Variants in ATG5 observed in about 807,000 individuals in gnomAD.
ATG5 encodes autophagy protein 5.
Under a neutral mutation model 36.5 loss-of-function variants are expected in ATG5, and 14 were observed. That is an observed-to-expected ratio of 0.38 (90% CI 0.25 to 0.60). ATG5 has a LOEUF of 0.60. ATG5 is among the 20% of genes least tolerant of loss of function. The probability of loss-of-function intolerance (pLI) is 0.60; values close to 1 mark genes in which losing one functional copy is unlikely to be tolerated. For missense variants in ATG5, 195 were observed against 326.7 expected, an observed-to-expected ratio of 0.60 and a Z score of 3.11; for synonymous variants, 95 against 101.5, an observed-to-expected ratio of 0.94 and a Z score of 0.38.
At chr6:106,313,581 T>C (rs1228821222) in intron 2 of ATG5, among the ~76,000 whole-genome samples, 1 of 152,216 alleles carries the variant, frequency 6.6e-6, no homozygotes, top group Non-Finnish European at 1.5e-5. Context: ...TGAAAAGTTA[T>C]CTAGTTTCTA....
intron 3 of ATG5, among the ~76,000 whole-genome samples, chr6:106,297,988 A>G (rs1222885440): frequency 6.8e-6 from 1 of 147,606 alleles, no homozygotes; most frequent in African/African-American, 2.5e-5. Flanking sequence ...TTTTTGAGAC[A>G]GAGTCTCGTT....
intron 6 of ATG5, among the ~76,000 whole-genome samples, chr6:106,233,846 T>C (rs574410901): frequency 7.2e-4 from 110 of 152,228 alleles, no homozygotes; most frequent in Admixed American, 1.4e-3. Context: ...TCCATGCTGC[T>C]GTACAACCAG....
At chr6:106,226,720 T>C (rs1777464742) in intron 6 of ATG5, among the ~76,000 whole-genome samples, 1 of 152,226 alleles carries the variant, frequency 6.6e-6, no homozygotes, top group Non-Finnish European at 1.5e-5. Flanking sequence ...GTGTGAGATT[T>C]ATCCATGTTG....
chr6:106,199,937 A>G (rs1734181781), intron 7 of ATG5, among the ~76,000 whole-genome samples: 1 of 152,204 alleles, frequency 6.6e-6, no homozygotes, highest in African/African-American at 2.4e-5. Flanking sequence ...GGAAGACTTT[A>G]TAAAATGTAT....
intron 6 of ATG5, among the ~76,000 whole-genome samples, chr6:106,242,647 C>T (rs897178683): frequency 1.3e-5 from 2 of 152,018 alleles, no homozygotes; most frequent in Non-Finnish European, 2.9e-5. Flanking sequence ...ACACCTCAAG[C>T]AACTTACATT....
intron 6 of ATG5, among the ~76,000 whole-genome samples, chr6:106,235,033 A>T (rs1281744855): frequency 6.6e-6 from 1 of 152,164 alleles, no homozygotes; most frequent in Admixed American, 6.5e-5. Flanking sequence ...TCAATCCTGA[A>T]TTGTCACAGA....
At chr6:106,275,048 C>T (rs1025569875) in intron 5 of ATG5, among the ~76,000 whole-genome samples, 1 of 152,170 alleles carries the variant, frequency 6.6e-6, no homozygotes. Flanking sequence ...TAGCCCCTAG[C>T]ATAATGTCAG....
chr6:106,256,547 T>C (rs1252472537), intron 5 of ATG5, among the ~76,000 whole-genome samples: 2 of 152,188 alleles, frequency 1.3e-5, no homozygotes, highest in Non-Finnish European at 1.5e-5. Context: ...TTCTGAGAAA[T>C]GCATCAGGCA....
chr6:106,212,439 G>A (rs566228623), intron 6 of ATG5, among the ~76,000 whole-genome samples: 32 of 152,282 alleles, frequency 2.1e-4, no homozygotes, highest in South Asian at 8.3e-4. Flanking sequence ...TCAGGAGTTC[G>A]AGATCAGCCT....
intron 4 of ATG5, among the ~76,000 whole-genome samples, chr6:106,280,820 T>A (rs6906688): frequency 0.055 from 8,370 of 152,184 alleles, 345 homozygotes; most frequent in Non-Finnish European, 0.076. Context: ...AGCTTGATAG[T>A]CATGGGGCTA....
chr6:106,267,017 G>A (rs1370105765), intron 5 of ATG5, among the ~76,000 whole-genome samples: 1 of 152,136 alleles, frequency 6.6e-6, no homozygotes, highest in Non-Finnish European at 1.5e-5. Context: ...TCAGGCAAGA[G>A]AAAAAATAAA....
At chr6:106,261,381 C>T (rs1779011682) in intron 5 of ATG5, among the ~76,000 whole-genome samples, 1 of 152,196 alleles carries the variant, frequency 6.6e-6, no homozygotes, top group African/African-American at 2.4e-5. Flanking sequence ...CCAGCTAAAT[C>T]CCTTTGTTTA....
intron 1 of ATG5, among the ~76,000 whole-genome samples, chr6:106,321,646 CCG>C (rs1466550466): frequency 6.6e-6 from 1 of 152,194 alleles, no homozygotes; most frequent in Non-Finnish European, 1.5e-5. Flanking sequence ...GCGTGAGCCA[CCG>C]CGCCTGGCCA....
At chr6:106,300,436 A>G (rs1384110876) in intron 3 of ATG5, among the ~76,000 whole-genome samples, 1 of 152,188 alleles carries the variant, frequency 6.6e-6, no homozygotes, top group Non-Finnish European at 1.5e-5. Context: ...TGAAATCACA[A>G]AGAGTATTAA....
At chr6:106,317,214 T>C (rs1393725253) in intron 1 of ATG5, among the ~76,000 whole-genome samples, 2 of 152,204 alleles carry the variant, frequency 1.3e-5, no homozygotes, top group African/African-American at 4.8e-5. Flanking sequence ...AATATACACT[T>C]AGAGTAACTC....
At chr6:106,224,339 C>T (rs542699748) in intron 6 of ATG5, among the ~76,000 whole-genome samples, 1 of 152,258 alleles carries the variant, frequency 6.6e-6, no homozygotes, top group Admixed American at 6.5e-5. Context: ...ATAAAGGACC[C>T]ATGAGCTAAA....
At chr6:106,213,993 C>G (rs1295543481) in intron 6 of ATG5, among the ~76,000 whole-genome samples, 1 of 152,016 alleles carries the variant, frequency 6.6e-6, no homozygotes, top group Non-Finnish European at 1.5e-5. Flanking sequence ...CTTCAGTTTC[C>G]TTTGAAGTCT....
intron 2 of ATG5, among the ~76,000 whole-genome samples, chr6:106,309,494 G>A (rs893772723): frequency 6.6e-6 from 1 of 152,094 alleles, no homozygotes; most frequent in Non-Finnish European, 1.5e-5. Context: ...TAAATACTAT[G>A]AACAAGCTGC....
At chr6:106,200,660 TTA>T (rs1351471510) in intron 7 of ATG5, among the ~76,000 whole-genome samples, 3 of 152,094 alleles carry the variant, frequency 2.0e-5, no homozygotes, top group African/African-American at 7.2e-5. Context: ...TGTGTGTTTT[TTA>T]GTAGAGACAG....
Sources: gnomAD v4.1 joint callset for allele counts (sites outside exome capture counted in the v4.1 genomes callset) on GRCh38, gnomAD v4.1.1 for gene constraint, MANE v1.5 for transcripts, NCBI Gene and HGNC (gene_info 2026-07-23, HGNC 2026-07-21) for gene names.